CDH13: variants seen among roughly 807,000 people sequenced by gnomAD.
The protein encoded by CDH13 is cadherin-13.
A neutral mutation model predicts 63.8 loss-of-function variants in CDH13; 24 were observed. That is an observed-to-expected ratio of 0.38 (90% CI 0.27 to 0.53). CDH13 has a LOEUF of 0.53. Among genes scored for constraint, CDH13 ranks in the 20% least tolerant of loss-of-function variants. The probability of loss-of-function intolerance (pLI) is 0.85; values close to 1 mark genes in which losing one functional copy is unlikely to be tolerated. For synonymous variants in CDH13, 503 were observed against 355.3 expected, an observed-to-expected ratio of 1.42 and a Z score of -4.67; for missense variants, 1,049 against 903.1, an observed-to-expected ratio of 1.16 and a Z score of -2.07.
chr16:82,797,115 G>A, intron 1 of CDH13, among the ~76,000 whole-genome samples: 1 of 152,218 alleles, frequency 6.6e-6, no homozygotes, highest in East Asian at 1.9e-4. Flanking sequence ...AAGTCTAGAT[G>A]AAATGAGGTT....
intron 4 of CDH13, among the ~76,000 whole-genome samples, chr16:83,196,388 T>C (rs968001925): frequency 9.6e-4 from 146 of 152,360 alleles, no homozygotes; most frequent in African/African-American, 3.3e-3. Flanking sequence ...AGAGTTCTTA[T>C]ACTTGTCACA....
chr16:82,797,063 G>A (rs2038429930), intron 1 of CDH13, among the ~76,000 whole-genome samples: 1 of 152,216 alleles, frequency 6.6e-6, no homozygotes, highest in African/African-American at 2.4e-5. Flanking sequence ...CTTGTCATGA[G>A]TTATTCCTCA....
At chr16:83,781,766 T>C (rs545050349) in intron 12 of CDH13, among the ~76,000 whole-genome samples, 51 of 151,564 alleles carry the variant, frequency 3.4e-4, no homozygotes, top group African/African-American at 1.2e-3. Context: ...AAGAGTTTCT[T>C]TTTTGGGGGC....
intron 6 of CDH13, among the ~76,000 whole-genome samples, chr16:83,446,946 T>G (rs913740654): frequency 1.3e-5 from 2 of 151,000 alleles, no homozygotes; most frequent in Non-Finnish European, 2.9e-5. Flanking sequence ...TTTATTTCCT[T>G]AGAGTGATGC....
chr16:83,448,427 C>T (rs577162434), intron 6 of CDH13, among the ~76,000 whole-genome samples: 1 of 152,158 alleles, frequency 6.6e-6, no homozygotes, highest in South Asian at 2.1e-4. Flanking sequence ...TGGGTCAGAT[C>T]TCTTCCCTAG....
At chr16:83,370,387 C>CA (rs760385414) in intron 6 of CDH13, among the ~76,000 whole-genome samples, 2,832 of 104,438 alleles carry the variant, frequency 0.027, 61 homozygotes, top group African/African-American at 0.078. Flanking sequence ...GACTCCATTT[C>CA]AAAAAAAAAA....
At chr16:83,554,624 T>A (rs1186818935) in intron 7 of CDH13, among the ~76,000 whole-genome samples, 1 of 151,982 alleles carries the variant, frequency 6.6e-6, no homozygotes, top group Admixed American at 6.6e-5. Context: ...ACAAAAACTG[T>A]CACAAAAGAC....
In CDH13 at chr16:82,975,234, C is replaced by G. The variant is rs190147160; in HGVS notation, c.158-56776C>G. On this transcript the variant is annotated intron_variant, in intron 2 of 13. Coordinates refer to ENST00000567109, the MANE Select transcript of CDH13 (RefSeq NM_001257.5). ...GGTCTGGTCTTTGGGAGAGGATGCA[C>G]AAATCATTAGGAAAGCAGAGATAAG... Among the ~76,000 whole-genome samples the G allele has an allele frequency of 4.2e-3, 645 of 152,252 alleles. 5 individuals carry two copies. The highest frequency in any genetic ancestry group is 6.7e-3 in the Non-Finnish European group (458 of 68,018).
At chr16:82,814,540 T>C (rs903404613) in intron 1 of CDH13, among the ~76,000 whole-genome samples, 1 of 152,116 alleles carries the variant, frequency 6.6e-6, no homozygotes, top group African/African-American at 2.4e-5. Flanking sequence ...GCTGAACCCA[T>C]GGAGGTTTCT....
At chr16:83,506,133 G>C (rs1417622198) in intron 7 of CDH13, among the ~76,000 whole-genome samples, 1 of 152,180 alleles carries the variant, frequency 6.6e-6, no homozygotes, top group African/African-American at 2.4e-5. Context: ...GTCCAAGGGA[G>C]ACCATCAGGC....
chr16:83,262,286 G>T (rs879415676), intron 5 of CDH13, among the ~76,000 whole-genome samples: 102 of 152,156 alleles, frequency 6.7e-4, no homozygotes, highest in Non-Finnish European at 7.5e-4. Context: ...TCTCTGATTT[G>T]CCCATGGGGG....
chr16:83,614,882 A>T (rs2150768531), intron 8 of CDH13, among the ~76,000 whole-genome samples: 1 of 152,320 alleles, frequency 6.6e-6, no homozygotes, highest in South Asian at 2.1e-4. Flanking sequence ...CTTCAAAATC[A>T]ACTTATTTCA....
Position 83,162,124 on chromosome 16 carries a change from C to T in CDH13, c.483+36623C>T, listed in dbSNP as rs117621226. On this transcript the variant is annotated intron_variant, in intron 4 of 13. Coordinates refer to ENST00000567109, the MANE Select transcript of CDH13 (RefSeq NM_001257.5). ...CTTCTCAGACGTGGCATTTACATGC[C>T]TGGTGCTTCCTTAGCTCATCATATA... Among the ~76,000 whole-genome samples the T allele has an allele frequency of 3.7e-3, 561 of 152,256 alleles. 4 individuals carry two copies. The highest frequency in any genetic ancestry group is 0.01 in the Middle Eastern group (3 of 294).
intron 5 of CDH13, among the ~76,000 whole-genome samples, chr16:83,306,180 C>G (rs752111018): frequency 6.6e-6 from 1 of 152,206 alleles, no homozygotes; most frequent in Admixed American, 6.5e-5. Context: ...TGGTTGAGAA[C>G]TACTGTTCCA....
At chr16:82,672,843 C>G (rs1398126050) in intron 1 of CDH13, among the ~76,000 whole-genome samples, 1 of 151,736 alleles carries the variant, frequency 6.6e-6, no homozygotes, top group African/African-American at 2.4e-5. Context: ...GAGACAGAGC[C>G]TCACTGTGTT....
chr16:82,771,620 G>A (rs1056435367), intron 1 of CDH13, among the ~76,000 whole-genome samples: 24 of 152,300 alleles, frequency 1.6e-4, no homozygotes, highest in African/African-American at 4.8e-4. Context: ...AGCTTGTATC[G>A]GAATTGGGAT....
At chr16:82,750,159 G>A (rs2034349808) in intron 1 of CDH13, among the ~76,000 whole-genome samples, 1 of 152,204 alleles carries the variant, frequency 6.6e-6, no homozygotes, top group African/African-American at 2.4e-5. Context: ...TCCAAAAGCA[G>A]CGATGCTTCA....
chr16:83,443,719 AAAAAAAAAAAAAAAAAATATATATAT>A (rs1382464308), intron 6 of CDH13, among the ~76,000 whole-genome samples: 5 of 90,118 alleles, frequency 5.5e-5, no homozygotes, highest in Non-Finnish European at 1.0e-4. Flanking sequence ...AAAAAAAAAA[AAAAAAAAAAAAAAAAAATATATATAT>A]ATATATATAT....
chr16:83,665,401 C>T (rs551440420), intron 8 of CDH13, among the ~76,000 whole-genome samples: 7 of 152,224 alleles, frequency 4.6e-5, no homozygotes, highest in Non-Finnish European at 1.0e-4. Flanking sequence ...TTGCCAAGCT[C>T]CTTAAATGCA....
Sources: allele counts gnomAD v4.1 joint callset (sites outside exome capture counted in the v4.1 genomes callset), GRCh38; gene constraint gnomAD v4.1.1; transcripts MANE v1.5; gene names NCBI Gene and HGNC (gene_info 2026-07-23, HGNC 2026-07-21).